PCCA: variants seen among roughly 807,000 people sequenced by gnomAD.
The protein encoded by PCCA is propionyl-CoA carboxylase alpha chain, mitochondrial.
PCCA carries 74 observed loss-of-function variants against 101.3 expected under a neutral mutation model. The observed-to-expected ratio is 0.73, with a 90% CI of 0.61 to 0.89. PCCA has a LOEUF of 0.89. Among genes scored for constraint, PCCA ranks in the 40% least tolerant of loss-of-function variants. The pLI is 0.00. For synonymous variants in PCCA, 294 were observed against 313.6 expected (o/e 0.94, Z 0.66); for missense variants, 891 against 907.0 (o/e 0.98, Z 0.23).
In PCCA at chr13:100,516,762, A is replaced by AGTGTGTG. The variant is rs1382893777; in HGVS notation, c.2040+1195_2040+1196insGTGTGTG. ...GTGTGTGTGTGTGTGTGTGTGTGTA[A>AGTGTGTG]TGTGTGTAAAATTCAGGGGAGGACA... is the stretch of plus-strand genomic sequence containing the variant. On this transcript the variant is annotated intron_variant, in intron 22 of 23. Transcript: ENST00000376285. Among the ~76,000 whole-genome samples the AGTGTGTG allele has an allele frequency of 9.5e-3, 1,038 of 109,210 alleles. 18 individuals are homozygous for AGTGTGTG. The East Asian group carries it at 0.13, about 13-fold the overall frequency. The allele number at this position is 109,210 out of a possible 152,430, so 71.6% of individuals were successfully genotyped here.
At chr13:100,150,928 C>T (rs1333189737) in intron 4 of PCCA, 1 of 1,538,914 alleles carries the variant, frequency 6.5e-7, no homozygotes, top group Admixed American at 1.7e-5. Flanking sequence ...CGTAACCTTG[C>T]TTGGCCTCGC....
intron 20 of PCCA, among the ~76,000 whole-genome samples, chr13:100,438,463 C>G (rs1417672371): frequency 1.3e-5 from 2 of 152,132 alleles, no homozygotes; most frequent in African/African-American, 4.8e-5. Flanking sequence ...GTTGATTTCT[C>G]ATTAGCCCCA....
At chr13:100,102,512 A>T (rs1012289844) in intron 1 of PCCA, among the ~76,000 whole-genome samples, 2 of 152,206 alleles carry the variant, frequency 1.3e-5, no homozygotes, top group Non-Finnish European at 2.9e-5. Context: ...GCCACTGTTA[A>T]ATTTGAAGCT....
At chr13:100,121,504 T>C (rs1335752949) in intron 4 of PCCA, among the ~76,000 whole-genome samples, 3 of 145,086 alleles carry the variant, frequency 2.1e-5, no homozygotes, top group Non-Finnish European at 4.5e-5. Flanking sequence ...AGACCGAGTC[T>C]CATTCTGTTG....
intron 6 of PCCA, among the ~76,000 whole-genome samples, chr13:100,188,242 G>A (rs1252652677): frequency 6.6e-6 from 1 of 152,052 alleles, no homozygotes; most frequent in Non-Finnish European, 1.5e-5. Context: ...GCAGTGAGCC[G>A]AGATCGTGCC....
chr13:100,468,144 C>CTA (rs2082685912), intron 21 of PCCA, among the ~76,000 whole-genome samples: 1 of 152,114 alleles, frequency 6.6e-6, no homozygotes, highest in Non-Finnish European at 1.5e-5. Flanking sequence ...TTTTTCTGAG[C>CTA]AGTAGGTCTC....
chr13:100,378,892 TCAA>T (rs980575389), intron 19 of PCCA, among the ~76,000 whole-genome samples: 5 of 152,186 alleles, frequency 3.3e-5, no homozygotes, highest in Non-Finnish European at 7.3e-5. Flanking sequence ...ATTATTAGTA[TCAA>T]AATTTTTAGT....
rs769465723 is a variant in PCCA, at chr13:100,240,919, G to C, written c.637+5041G>C. Among the ~76,000 whole-genome samples, 4 of 150,282 alleles carry C rather than the reference G, an allele frequency of 2.7e-5. No homozygotes were observed. In the Admixed American group the frequency reaches 2.7e-4, roughly 10 times the overall value. ...AACAAATCTTAAGTGTGTATTTGTG[G>C]ATTTTGACATATGCATATATATATA... On this transcript the variant is annotated intron_variant, in intron 8 of 23. Transcript: ENST00000376285.
chr13:100,442,597 A>G (rs976435527), intron 20 of PCCA, among the ~76,000 whole-genome samples: 6 of 152,364 alleles, frequency 3.9e-5, no homozygotes, highest in South Asian at 2.1e-4. Flanking sequence ...AACGCCCAGT[A>G]TGGCCTAGGC....
intron 6 of PCCA, among the ~76,000 whole-genome samples, chr13:100,193,874 T>C (rs1007923121): frequency 1.3e-5 from 2 of 152,106 alleles, no homozygotes; most frequent in African/African-American, 4.8e-5. Context: ...GGTCAGGAGA[T>C]AGAGACCATC....
chr13:100,136,145 G>A (rs962587855), intron 4 of PCCA, among the ~76,000 whole-genome samples: 8 of 150,450 alleles, frequency 5.3e-5, no homozygotes, highest in Admixed American at 4.6e-4. Flanking sequence ...AAAATTAATT[G>A]GGAAATGTTT....
chr13:100,346,878 A>C (rs2072314371), intron 18 of PCCA, among the ~76,000 whole-genome samples: 1 of 151,864 alleles, frequency 6.6e-6, no homozygotes, highest in Non-Finnish European at 1.5e-5. Context: ...TTAGTAATAA[A>C]GTTTTTTTTT....
At chr13:100,370,782 T>A (rs1322703029) in intron 19 of PCCA, among the ~76,000 whole-genome samples, 1 of 152,176 alleles carries the variant, frequency 6.6e-6, no homozygotes, top group Non-Finnish European at 1.5e-5. Context: ...TTCAATAGTA[T>A]GGCACTATTG....
intron 11 of PCCA, among the ~76,000 whole-genome samples, chr13:100,269,885 C>T (rs1355196832): frequency 6.6e-6 from 1 of 152,158 alleles, no homozygotes; most frequent in Non-Finnish European, 1.5e-5. Context: ...AAATCCTTTG[C>T]CATTTTTCTC....
At chr13:100,506,404 G>T (rs1187682468) in intron 21 of PCCA, among the ~76,000 whole-genome samples, 1 of 151,678 alleles carries the variant, frequency 6.6e-6, no homozygotes, top group Non-Finnish European at 1.5e-5. Flanking sequence ...GGCGGCGGGG[G>T]TTTCAGTTGC....
At chr13:100,524,987 A>ATGGATGGATG (rs58963772) in intron 22 of PCCA, among the ~76,000 whole-genome samples, 6 of 56,262 alleles carry the variant, frequency 1.1e-4, no homozygotes, top group African/African-American at 2.1e-4. Flanking sequence ...TAAGATGGAT[A>ATGGATGGATG]GATAGATAGA....
chr13:100,244,648 G>A (rs747570638), intron 8 of PCCA, among the ~76,000 whole-genome samples: 2 of 151,854 alleles, frequency 1.3e-5, no homozygotes, highest in Non-Finnish European at 2.9e-5. Context: ...TGTGTGAAGC[G>A]TTTTGCTCTA....
intron 21 of PCCA, among the ~76,000 whole-genome samples, chr13:100,451,636 C>A (rs2081237324): frequency 6.6e-6 from 1 of 151,862 alleles, no homozygotes; most frequent in South Asian, 2.1e-4. Flanking sequence ...TTTCCTCTCT[C>A]TGAAAATGGC....
intron 21 of PCCA, among the ~76,000 whole-genome samples, chr13:100,473,983 T>C (rs148341727): frequency 1.7e-3 from 260 of 152,334 alleles, no homozygotes; most frequent in African/African-American, 6.0e-3. Context: ...GGAGAAAAAA[T>C]GCAGATGCTT....
Sources: allele counts gnomAD v4.1 joint callset (sites outside exome capture counted in the v4.1 genomes callset), GRCh38; gene constraint gnomAD v4.1.1; transcripts MANE v1.5; gene names NCBI Gene and HGNC (gene_info 2026-07-23, HGNC 2026-07-21).